The following SEMA5A variants were observed in gnomAD, a reference collection of about 807,000 sequenced individuals.
SEMA5A encodes the protein semaphorin 5A.
Under a neutral mutation model 135.5 loss-of-function variants are expected in SEMA5A, and 55 were observed. The observed-to-expected ratio is 0.41, with a 90% CI of 0.33 to 0.51. The LOEUF is 0.51. Ranked by LOEUF, SEMA5A falls within the 20% of genes least tolerant of loss-of-function variation. The probability of loss-of-function intolerance (pLI) is 0.37; values close to 1 mark genes in which losing one functional copy is unlikely to be tolerated. For missense variants in SEMA5A, 1,290 were observed against 1,419.9 expected, an observed-to-expected ratio of 0.91 and a Z score of 1.47; for synonymous variants, 580 against 546.5, an observed-to-expected ratio of 1.06 and a Z score of -0.85.
intron 1 of SEMA5A, among the ~76,000 whole-genome samples, chr5:9,482,106 T>C (rs1049910407): frequency 6.6e-6 from 1 of 152,232 alleles, no homozygotes; most frequent in Non-Finnish European, 1.5e-5. Flanking sequence ...TCATTTAATG[T>C]GATCGCAGTT....
chr5:9,424,743 T>G (rs1292784694), intron 2 of SEMA5A, among the ~76,000 whole-genome samples: 2 of 152,150 alleles, frequency 1.3e-5, no homozygotes, highest in Non-Finnish European at 2.9e-5. Context: ...ATTCTTAATT[T>G]ATCTTCCCCT....
chr5:9,533,936 C>T lies in SEMA5A; in HGVS notation c.-175+11648G>A, dbSNP rs560236641. On this transcript the variant is annotated intron_variant, in intron 1 of 22. Coordinates refer to ENST00000382496, the MANE Select transcript of SEMA5A (RefSeq NM_003966.3). Reference sequence around the variant, plus strand: ...GGCCACTGCAATTATCAAGCAAAACCGCAAACCAGCAGAAGTCAAAGTCAA... The same window carrying T: ...GGCCACTGCAATTATCAAGCAAAACTGCAAACCAGCAGAAGTCAAAGTCAA... Among the ~76,000 whole-genome samples the T allele has an allele frequency of 3.0e-3, 462 of 152,206 alleles. 1 individual carries two copies. In the South Asian group the frequency reaches 0.033, roughly 11 times the overall value.
At chr5:9,178,724 G>T (rs1344606236) in intron 11 of SEMA5A, among the ~76,000 whole-genome samples, 1 of 152,186 alleles carries the variant, frequency 6.6e-6, no homozygotes, top group African/African-American at 2.4e-5. Flanking sequence ...CACAACAAAT[G>T]ATATGGATGA....
Position 9,437,760 on chromosome 5 carries a change from G to C in SEMA5A, c.-82C>G, listed in dbSNP as rs1758085291. ...CCATTTAGATGTCTCACTTACCAAG[G>C]AGAGAGAGGATGGAGGACGCGTTTC... On this transcript the variant is annotated 5_prime_UTR_variant, in exon 2 of 23. Transcript: ENST00000382496. The C allele has an allele frequency of 6.6e-6, 1 of 152,368 alleles. No individual in the cohort carries two copies. Among genetic ancestry groups the C allele is most frequent in the Admixed American group, 6.5e-5 (1 of 15,272 alleles). 9.4% of individuals were successfully genotyped at this position (152,368 alleles called of 1,614,324 possible).
At position 9,528,160 on chromosome 5, in the gene SEMA5A, T is replaced by G. The variant is rs188136374; in HGVS notation, c.-175+17424A>C. Among the ~76,000 whole-genome samples the G allele has an allele frequency of 5.3e-5, 8 of 152,252 alleles. No homozygotes were observed. In the East Asian group the frequency reaches 1.4e-3, roughly 26 times the overall value. On this transcript the variant is annotated intron_variant, in intron 1 of 22. Transcript: ENST00000382496. ...TTGCAAAATATGAATATCTACTTAG[T>G]GAGACTGACCTAGAACACAGTTCAT...
intron 13 of SEMA5A, among the ~76,000 whole-genome samples, chr5:9,136,249 T>C (rs1463390878): frequency 6.6e-6 from 1 of 152,044 alleles, no homozygotes; most frequent in Non-Finnish European, 1.5e-5. Context: ...AAACAAACCA[T>C]AAACTCCATT....
chr5:9,532,534 C>T (rs1737513086), intron 1 of SEMA5A, among the ~76,000 whole-genome samples: 2 of 151,696 alleles, frequency 1.3e-5, no homozygotes, highest in South Asian at 4.2e-4. Context: ...GTGGTCCACC[C>T]ACCTCGGCCT....
intron 1 of SEMA5A, among the ~76,000 whole-genome samples, chr5:9,456,243 A>G (rs886949129): frequency 6.6e-6 from 1 of 152,216 alleles, no homozygotes; most frequent in South Asian, 2.1e-4. Flanking sequence ...GTCCCTGGCC[A>G]TGCCAAGGAG....
At chr5:9,207,809 G>A (rs40678) in intron 8 of SEMA5A, among the ~76,000 whole-genome samples, 54,176 of 151,864 alleles carry the variant, frequency 0.36, 10,331 homozygotes, top group East Asian at 0.56. Flanking sequence ...CTACTGGTAG[G>A]CTAAAGTTCT....
At chr5:9,225,861 C>T (rs376426785) in intron 7 of SEMA5A, among the ~76,000 whole-genome samples, 6 of 152,074 alleles carry the variant, frequency 3.9e-5, no homozygotes, top group South Asian at 2.1e-4. Context: ...TCTTGGTTCT[C>T]GCCTGAGAGG....
At chr5:9,455,269 T>A (rs572933126) in intron 1 of SEMA5A, among the ~76,000 whole-genome samples, 125 of 151,538 alleles carry the variant, frequency 8.2e-4, no homozygotes, top group South Asian at 5.4e-3. Context: ...TTTTTTTTTT[T>A]TTTTGAGACA....
Position 9,040,430 on chromosome 5 carries a change from A to G in SEMA5A, c.*2467T>C, listed in dbSNP as rs774463098. The stretch of plus-strand genomic sequence containing the variant: ...TTCACGCGATAAGCGTGGAGTACAG[A>G]GCCAGAACATGTGAACGGTAGCTAC... On this transcript the variant is annotated 3_prime_UTR_variant, in exon 23 of 23. Coordinates refer to ENST00000382496, the MANE Select transcript of SEMA5A (RefSeq NM_003966.3). The G allele has an allele frequency of 5.9e-5, 9 of 152,258 alleles. No homozygotes were observed. Among genetic ancestry groups the G allele is most frequent in the Non-Finnish European group, 1.0e-4 (7 of 68,038 alleles). The allele number at this position is 152,258 out of a possible 1,614,324, so 9.4% of individuals were successfully genotyped here.
At chr5:9,110,263 T>C (rs1281083111) in intron 15 of SEMA5A, among the ~76,000 whole-genome samples, 1 of 152,176 alleles carries the variant, frequency 6.6e-6, no homozygotes, top group Admixed American at 6.5e-5. Context: ...CCATGAGAGT[T>C]AGATGGCAGA....
chr5:9,100,423 G>C (rs555188670), intron 16 of SEMA5A, among the ~76,000 whole-genome samples: 1 of 152,256 alleles, frequency 6.6e-6, no homozygotes, highest in East Asian at 1.9e-4. Context: ...GAAGCCCCAG[G>C]AGACTGCTGG....
chr5:9,368,825 T>G (rs1755018904), intron 3 of SEMA5A, among the ~76,000 whole-genome samples: 1 of 152,202 alleles, frequency 6.6e-6, no homozygotes, highest in Admixed American at 6.5e-5. Context: ...AGTTTGGAGT[T>G]TTTAAGAATA....
At chr5:9,046,841 C>T (rs2064883502) in intron 21 of SEMA5A, among the ~76,000 whole-genome samples, 2 of 152,202 alleles carry the variant, frequency 1.3e-5, no homozygotes, top group African/African-American at 4.8e-5. Flanking sequence ...TCAGGCAAAA[C>T]TCACAACACA....
At chr5:9,352,354 C>A (rs1281530607) in intron 3 of SEMA5A, among the ~76,000 whole-genome samples, 1 of 150,954 alleles carries the variant, frequency 6.6e-6, no homozygotes, top group Non-Finnish European at 1.5e-5. Context: ...ATCTAGCTAT[C>A]TAGCTATCTA....
chr5:9,163,971 T>C (rs1743440084), intron 11 of SEMA5A, among the ~76,000 whole-genome samples: 1 of 142,490 alleles, frequency 7.0e-6, no homozygotes. Flanking sequence ...AGCAATATTG[T>C]ATTATATAAC....
At chr5:9,155,252 G>C (rs1742890034) in intron 11 of SEMA5A, among the ~76,000 whole-genome samples, 1 of 152,068 alleles carries the variant, frequency 6.6e-6, no homozygotes, top group African/African-American at 2.4e-5. Flanking sequence ...TGCTCTTTGG[G>C]ATGATTTTCT....
Sources: allele counts gnomAD v4.1 joint callset (sites outside exome capture counted in the v4.1 genomes callset), GRCh38; gene constraint gnomAD v4.1.1; transcripts MANE v1.5; gene names NCBI Gene and HGNC (gene_info 2026-07-23, HGNC 2026-07-21).